JDP2: variants seen among roughly 807,000 people sequenced by gnomAD.
The protein encoded by JDP2 is progesterone receptor co-activator.
In JDP2, 9 loss-of-function variants were observed where a neutral mutation model predicts 17.1. The observed-to-expected ratio is 0.53, with a 90% confidence interval of 0.32 to 0.92. The LOEUF (loss-of-function observed/expected upper bound fraction) is 0.92. JDP2 is among the 40% of genes least tolerant of loss of function. The pLI is 0.04. For missense variants in JDP2, 179 were observed against 220.0 expected (o/e 0.81, Z 1.18); for synonymous variants, 107 against 95.6 (o/e 1.12, Z -0.69).
chr14:75,464,562 T>C (rs1338385253), intron 3 of JDP2, among the ~76,000 whole-genome samples: 2 of 152,230 alleles, frequency 1.3e-5, no homozygotes, highest in African/African-American at 4.8e-5. Context: ...CCATTTTATG[T>C]AAGAAACTTG....
intron 1 of JDP2, among the ~76,000 whole-genome samples, chr14:75,434,823 C>G (rs1246651956): frequency 6.6e-6 from 1 of 152,126 alleles, no homozygotes; most frequent in Non-Finnish European, 1.5e-5. Context: ...GAAATTACAG[C>G]CTGATAACGA....
At chr14:75,463,762 G>A (rs72721692) in intron 3 of JDP2, among the ~76,000 whole-genome samples, 11,424 of 152,188 alleles carry the variant, frequency 0.075, 627 homozygotes, top group Non-Finnish European at 0.11. Flanking sequence ...GGCAGGCAGG[G>A]CCCAGATCCC....
At chr14:75,432,164 C>T (rs963636572) in intron 1 of JDP2, 5 of 665,316 alleles carry the variant, frequency 7.5e-6, no homozygotes, top group African/African-American at 1.8e-5. Context: ...CTCGCCTTCA[C>T]TCTCAGTCTT....
At chr14:75,441,256 C>T (rs145324950) in intron 2 of JDP2, among the ~76,000 whole-genome samples, 186 of 152,264 alleles carry the variant, frequency 1.2e-3, no homozygotes, top group Non-Finnish European at 2.3e-3. Context: ...TCTGTCCAAA[C>T]GCATGGAGCA....
intron 2 of JDP2, among the ~76,000 whole-genome samples, chr14:75,442,911 C>T (rs909221): frequency 0.55 from 83,596 of 151,974 alleles, 24,726 homozygotes; most frequent in African/African-American, 0.79. Flanking sequence ...GGTGTCACCC[C>T]GAGGAATCGG....
At chr14:75,468,428 A>G (rs761750043) in intron 3 of JDP2, among the ~76,000 whole-genome samples, 38 of 152,368 alleles carry the variant, frequency 2.5e-4, no homozygotes, top group Non-Finnish European at 5.0e-4. Flanking sequence ...CAAAGTTTTC[A>G]GACATAATCC....
At chr14:75,457,869 G>A (rs1886184118) in intron 2 of JDP2, among the ~76,000 whole-genome samples, 1 of 152,264 alleles carries the variant, frequency 6.6e-6, no homozygotes, top group Non-Finnish European at 1.5e-5. Context: ...GGCAGAGAAA[G>A]CTCCCGTGAG....
At chr14:75,453,313 G>T (rs1885952482) in intron 2 of JDP2, among the ~76,000 whole-genome samples, 1 of 152,136 alleles carries the variant, frequency 6.6e-6, no homozygotes, top group Non-Finnish European at 1.5e-5. Context: ...CCTCCATGCA[G>T]GGGGGGCCCT....
At chr14:75,467,850 A>G (rs540157974) in intron 3 of JDP2, among the ~76,000 whole-genome samples, 1 of 151,802 alleles carries the variant, frequency 6.6e-6, no homozygotes, top group South Asian at 2.1e-4. Flanking sequence ...GGTTTTTAAT[A>G]TTTTCCCCGA....
Position 75,452,764 on chromosome 14 carries a change from C to A in JDP2, c.202-8662C>A, listed in dbSNP as rs369735033. ...GCCACCGCCCCATCCAGCCCTCCCCCCTCACTAATGGTGAGTTACTTGCTT... is the reference window on the plus strand; with the variant it reads ...GCCACCGCCCCATCCAGCCCTCCCCACTCACTAATGGTGAGTTACTTGCTT... On this transcript the variant is annotated intron_variant, in intron 2 of 3. Coordinates refer to ENST00000651602, the MANE Select transcript of JDP2 (RefSeq NM_001135048.2). 5.4e-4 allele frequency among the ~76,000 whole-genome samples: 82 copies of A among 152,322 alleles called. 1 individual carries two copies. Among genetic ancestry groups the A allele is most frequent in the Non-Finnish European group, 1.9e-4 (13 of 68,026 alleles).
In JDP2 at chr14:75,438,216, A is replaced by G. The variant is rs953392179; in HGVS notation, c.201+95A>G. On this transcript the variant is annotated intron_variant, in intron 2 of 3. Transcript: ENST00000651602. ...CTGTTCAAAGTGTGGTCTGAGGACC[A>G]GTATCATCCGTACCACCCTGGGGTT... 2.7e-5 allele frequency: 26 copies of G among 967,310 alleles called. No individual in the cohort carries two copies. The South Asian group carries it at 4.2e-4, about 16-fold the overall frequency. 59.9% of individuals were successfully genotyped at this position (967,310 alleles called of 1,614,324 possible). A position where few individuals can be genotyped will look rare whatever the true frequency, so the allele number is the denominator to read the frequency against.
At chr14:75,464,797 A>G (rs1006524543) in intron 3 of JDP2, among the ~76,000 whole-genome samples, 4 of 152,234 alleles carry the variant, frequency 2.6e-5, no homozygotes, top group Non-Finnish European at 4.4e-5. Context: ...GGGAGGGGTC[A>G]GGTCCACACC....
intron 2 of JDP2, among the ~76,000 whole-genome samples, chr14:75,460,308 G>C (rs1435714703): frequency 3.3e-5 from 5 of 152,186 alleles, no homozygotes; most frequent in Non-Finnish European, 5.9e-5. Flanking sequence ...CTCTCCCACA[G>C]GTGGGCATCC....
rs1347516513 is a variant in JDP2 at position 75,472,011 on chromosome 14, CCTT to C, written c.*2537_*2539del. On this transcript the variant is annotated 3_prime_UTR_variant, in exon 4 of 4. Coordinates refer to ENST00000651602, the MANE Select transcript of JDP2 (RefSeq NM_001135048.2). ...AGCTGGCATCTCCAAAATAGAGCCT[CCTT>C]AGCCTGTGCAGGTGGGCTGTCTTCC... The C allele has an allele frequency of 6.6e-6, 1 of 152,294 alleles. No individual in the cohort carries two copies. The highest frequency in any genetic ancestry group is 2.4e-5 in the African/African-American group (1 of 41,444). The allele number at this position is 152,294 out of a possible 1,614,324, so 9.4% of individuals were successfully genotyped here.
chr14:75,447,595 G>A (rs1048502373), intron 2 of JDP2, among the ~76,000 whole-genome samples: 5 of 140,544 alleles, frequency 3.6e-5, no homozygotes, highest in East Asian at 2.0e-4. Context: ...CTGCTACTTC[G>A]CATTAACTGA....
intron 1 of JDP2, among the ~76,000 whole-genome samples, chr14:75,436,153 T>G (rs192099812): frequency 9.8e-4 from 149 of 152,308 alleles, no homozygotes; most frequent in Non-Finnish European, 1.5e-3. Flanking sequence ...AAGTGAAATG[T>G]AGATGGAGAA....
At chr14:75,459,886 G>T (rs1403758129) in intron 2 of JDP2, among the ~76,000 whole-genome samples, 1 of 152,202 alleles carries the variant, frequency 6.6e-6, no homozygotes, top group Non-Finnish European at 1.5e-5. Context: ...TGTAAGGGCT[G>T]GTGGTCAGGA....
chr14:75,467,454 G>C (rs1012045794), intron 3 of JDP2, among the ~76,000 whole-genome samples: 1 of 152,170 alleles, frequency 6.6e-6, no homozygotes, highest in Non-Finnish European at 1.5e-5. Flanking sequence ...GAGCCAGTTG[G>C]GGGCTCATGG....
intron 2 of JDP2, among the ~76,000 whole-genome samples, chr14:75,450,107 C>T (rs1885781775): frequency 6.6e-6 from 1 of 152,104 alleles, no homozygotes. Context: ...TTGGGAGGGC[C>T]CTGGTCAGAG....
Sources: allele counts gnomAD v4.1 joint callset (sites outside exome capture counted in the v4.1 genomes callset), GRCh38; gene constraint gnomAD v4.1.1; transcripts MANE v1.5; gene names NCBI Gene and HGNC (gene_info 2026-07-23, HGNC 2026-07-21).